The following PRPF3 variants were observed in gnomAD, a reference collection of about 807,000 sequenced individuals.
The protein encoded by PRPF3 is U4/U6 small nuclear ribonucleoprotein Prp3.
In PRPF3, 3 loss-of-function variants were observed where a neutral mutation model predicts 89.2. The observed-to-expected ratio is 0.03, with a 90% CI of 0.02 to 0.09. The LOEUF (loss-of-function observed/expected upper bound fraction) is 0.09, where lower values mean the gene tolerates loss of function less well. Ranked by LOEUF, PRPF3 falls within the 10% of genes least tolerant of loss-of-function variation. PRPF3 has a pLI of 1.00. For synonymous variants in PRPF3, 270 were observed against 289.1 expected (o/e 0.93, Z 0.67); for missense variants, 463 against 828.8 (o/e 0.56, Z 5.42).
At position 150,348,726 on chromosome 1, in the gene PRPF3, G is replaced by A. The variant is rs587724610; in HGVS notation, c.1844-431G>A. 1.5e-4 allele frequency: 32 copies of A among 217,350 alleles called. No individual in the cohort carries two copies. In the East Asian group the frequency reaches 3.7e-3, roughly 25 times the overall value. 13.5% of individuals were successfully genotyped at this position (217,350 alleles called of 1,614,324 possible). A position where few individuals can be genotyped will look rare whatever the true frequency, so the allele number is the denominator to read the frequency against. ...GATCCACTCACCTCAGCCTCCCAAA[G>A]CGCTAGGATTACAGGCGTGAGCCAC... is the stretch of plus-strand genomic sequence containing the variant. On this transcript the variant is annotated intron_variant, in intron 14 of 15. Coordinates refer to ENST00000324862, the MANE Select transcript of PRPF3 (RefSeq NM_004698.4).
intron 14 of PRPF3, chr1:150,348,955 A>G (rs1658610796): frequency 1.7e-6 from 1 of 592,388 alleles, no homozygotes; most frequent in Non-Finnish European, 3.0e-6. Context: ...TGCTATGTAA[A>G]TGCTAATTGT....
At chr1:150,342,840 A>G (rs782454972) in intron 9 of PRPF3, among the ~76,000 whole-genome samples, 7 of 151,890 alleles carry the variant, frequency 4.6e-5, no homozygotes, top group Non-Finnish European at 8.8e-5. Context: ...TTTTTACATA[A>G]AATGTTTATA....
At chr1:150,341,125 AAAG>A (rs1409848168) in intron 9 of PRPF3, among the ~76,000 whole-genome samples, 15 of 142,090 alleles carry the variant, frequency 1.1e-4, no homozygotes, top group South Asian at 2.2e-4. Context: ...AAAAAAAAAA[AAAG>A]AAGAAAGAAA....
rs187374768 is a variant in PRPF3, at chr1:150,328,683, G to T, written c.423+217G>T. 7.0e-3 allele frequency among the ~76,000 whole-genome samples: 1,045 copies of T among 150,230 alleles called. 15 individuals are homozygous for T. Among genetic ancestry groups the T allele is most frequent in the African/African-American group, 0.024 (984 of 40,918 alleles). On this transcript the variant is annotated intron_variant, in intron 4 of 15. Coordinates refer to ENST00000324862, the MANE Select transcript of PRPF3 (RefSeq NM_004698.4). Reference sequence around the variant, plus strand: ...ATCTCCTGTCTCAGCCTACTGAGTAGCTGGGATTAGAGGCACCCACCACCA... The same window carrying T: ...ATCTCCTGTCTCAGCCTACTGAGTATCTGGGATTAGAGGCACCCACCACCA...
chr1:150,346,680 G>T (rs1572274991), intron 14 of PRPF3, among the ~76,000 whole-genome samples, 189 bp downstream of exon 14: 1 of 152,136 alleles, frequency 6.6e-6, no homozygotes, highest in Non-Finnish European at 1.5e-5. Context: ...ATGATTATAT[G>T]CATGAATGGT....
chr1:150,348,318 A>C (rs1658503805), intron 14 of PRPF3, among the ~76,000 whole-genome samples: 1 of 152,076 alleles, frequency 6.6e-6, no homozygotes, highest in East Asian at 1.9e-4. Context: ...AAGCGGTTGC[A>C]GTGAGCTGAG....
intron 14 of PRPF3, chr1:150,348,615 A>T (rs1658572735): frequency 6.4e-6 from 1 of 157,198 alleles, no homozygotes; most frequent in African/African-American, 2.4e-5. Flanking sequence ...GGCACCTGCC[A>T]CCACACCTGG....
intron 9 of PRPF3, 35 bp downstream of exon 9, chr1:150,340,512 C>T (rs781945230): frequency 2.7e-6 from 4 of 1,479,344 alleles, no homozygotes; most frequent in Non-Finnish European, 3.8e-6. Context: ...GTCTCTAGAG[C>T]AGCATTACCC....
chr1:150,333,460 G>A (rs1290901550), intron 6 of PRPF3, among the ~76,000 whole-genome samples: 2 of 152,182 alleles, frequency 1.3e-5, no homozygotes, highest in East Asian at 1.9e-4. Flanking sequence ...CCAGCTACTC[G>A]GGAGGCTGAG....
intron 15 of PRPF3, 130 bp downstream of exon 15, chr1:150,349,348 G>C (rs1161916282): frequency 1.3e-6 from 1 of 794,498 alleles, no homozygotes; most frequent in Non-Finnish European, 2.1e-6. Context: ...TTTCTTTTTG[G>C]AATCCATTTT....
At chr1:150,338,089 ATT>A in intron 7 of PRPF3, 69 bp from the exon 8 acceptor site, 2 of 1,544,568 alleles carry the variant, frequency 1.3e-6, no homozygotes, top group South Asian at 1.2e-5. Flanking sequence ...AAAAAAAAAA[ATT>A]GAGATTCTAC....
chr1:150,327,546 T>C (rs1163579841), intron 3 of PRPF3: 1 of 984,932 alleles, frequency 1.0e-6, no homozygotes, highest in Non-Finnish European at 1.2e-6. Context: ...GTCCTTTTTC[T>C]TGAACTGTAG....
intron 14 of PRPF3, among the ~76,000 whole-genome samples, chr1:150,347,281 C>CACACACACATACATACACACATGT (rs1658374767): frequency 1.3e-5 from 2 of 151,652 alleles, no homozygotes; most frequent in Non-Finnish European, 2.9e-5. Flanking sequence ...TACATACACA[C>CACACACACATACATACACACATGT]ACACACACAT....
In PRPF3 at chr1:150,325,821, A is replaced by C; in HGVS notation, c.216A>C (p.Glu72Asp). Reference sequence around the variant, plus strand: ...ACAAACTGTTTGAGGCTGTGGAGGAAGGCCGAAGCTCTAGGCATTCCAAGT... The same window carrying C: ...ACAAACTGTTTGAGGCTGTGGAGGACGGCCGAAGCTCTAGGCATTCCAAGT... ...FVDKLFEAVEEGRSSRHSKSS... is the reference protein window; with the variant it reads ...FVDKLFEAVEDGRSSRHSKSS... The change falls in exon 3 of 16, where the codon GAA (glutamate) becomes GAC (aspartate). Residue 72 changes from glutamate to aspartate, a missense_variant. Glu to Asp is a conservative substitution (Grantham distance 45). This residue lies in a region of PRPF3 where 21 missense variants were observed against 16.6 expected (regional missense o/e 1.26). Transcript: ENST00000324862. 1 of 1,613,810 alleles carries C rather than the reference A, an allele frequency of 6.2e-7. No homozygotes were observed. Among genetic ancestry groups the C allele is most frequent in the Non-Finnish European group, 8.5e-7 (1 of 1,179,808 alleles).
Position 150,339,759 on chromosome 1 carries a change from T to G in PRPF3, c.1203-639T>G, listed in dbSNP as rs1159262294. 1.2e-4 allele frequency among the ~76,000 whole-genome samples: 18 copies of G among 150,284 alleles called. 1 individual carries two copies. The highest frequency in any genetic ancestry group is 1.2e-3 in the Admixed American group (18 of 15,050). On this transcript the variant is annotated intron_variant, in intron 8 of 15. Coordinates refer to ENST00000324862, the MANE Select transcript of PRPF3 (RefSeq NM_004698.4). ...GGCGTTTTTTTTTTTTTTTTTTTTT[T>G]TTAAGACAGAGTCTCACTCTGTTGC...
At chr1:150,349,124 A>T (rs782228998) in intron 14 of PRPF3, 33 bp from the exon 15 acceptor site, 1 of 1,575,250 alleles carries the variant, frequency 6.3e-7, no homozygotes, top group South Asian at 1.1e-5. Context: ...CCTGAATCTC[A>T]AGTCTAAGTC....
At position 150,340,072 on chromosome 1, in the gene PRPF3, C is replaced by T. The variant is rs1273529957; in HGVS notation, c.1203-326C>T. On this transcript the variant is annotated intron_variant, in intron 8 of 15. Transcript: ENST00000324862. Reference sequence around the variant, plus strand: ...TTTAGTAGATTTTGTCTTAGCCTTTCGTTGCCCCTTCTTTGTCAGCCACTG... The same window carrying T: ...TTTAGTAGATTTTGTCTTAGCCTTTTGTTGCCCCTTCTTTGTCAGCCACTG... Among the ~76,000 whole-genome samples the T allele has an allele frequency of 2.6e-5, 4 of 152,090 alleles. No individual in the cohort carries two copies. In the South Asian group the frequency reaches 6.2e-4, roughly 24 times the overall value.
At position 150,331,379 on chromosome 1, in the gene PRPF3, T is replaced by C. The variant is rs1656364237; in HGVS notation, c.424-1305T>C. Among the ~76,000 whole-genome samples the C allele has an allele frequency of 2.6e-5, 4 of 151,132 alleles. No individual in the cohort carries two copies. In the South Asian group the frequency reaches 6.3e-4, roughly 24 times the overall value. On this transcript the variant is annotated intron_variant, in intron 4 of 15. Transcript: ENST00000324862. ...TTTATTTTCTTTCTTTCTTTACTTA[T>C]TTAGAGATGGAGTCTCCCCCTGTTG...
chr1:150,340,822 A>G (rs1201854572), intron 9 of PRPF3, among the ~76,000 whole-genome samples: 2 of 152,062 alleles, frequency 1.3e-5, no homozygotes, highest in East Asian at 3.8e-4. Flanking sequence ...CAAGGAAAAA[A>G]AATTTGGCTG....
Sources: allele counts gnomAD v4.1 joint callset (sites outside exome capture counted in the v4.1 genomes callset), GRCh38; gene constraint gnomAD v4.1.1; regional missense constraint gnomAD v4.1.1; transcripts MANE v1.5; gene names NCBI Gene and HGNC (gene_info 2026-07-23, HGNC 2026-07-21).